The following RUNX3 variants were observed in gnomAD, a reference collection of about 807,000 sequenced individuals.
The protein encoded by RUNX3 is runt-related transcription factor 3.
A neutral mutation model predicts 27.7 loss-of-function variants in RUNX3; 10 were observed. The ratio of observed to expected loss-of-function variants is 0.36; its 90% CI spans 0.22 to 0.61. The LOEUF is 0.61. RUNX3 is among the 20% of genes least tolerant of loss of function. The pLI, the probability that RUNX3 is intolerant of heterozygous loss-of-function variation, is 0.72. For missense variants in RUNX3, 469 were observed against 629.5 expected, an observed-to-expected ratio of 0.75 and a Z score of 2.73; for synonymous variants, 270 against 269.2, an observed-to-expected ratio of 1.00 and a Z score of -0.03.
rs532152065 is a variant in RUNX3, at chr1:24,902,712, C to CAGG, written c.704-49_704-47dup. On this transcript the variant is annotated intron_variant, in intron 4 of 4. Coordinates refer to ENST00000308873, the MANE Select transcript of RUNX3 (RefSeq NM_004350.3). The surrounding 1 kb of genome is among the most constrained non-coding windows in gnomAD (Gnocchi z 9.2). ...GGTCAGTTCCAGCTCGAGACAACCC[C>CAGG]AGGAGGGCTTCCTGAAGAATGACCT... 3.1e-4 allele frequency: 449 copies of CAGG among 1,455,634 alleles called. 4 individuals are homozygous for CAGG. In the South Asian group the frequency reaches 6.1e-3, roughly 20 times the overall value. 90.2% of individuals were successfully genotyped at this position (1,455,634 alleles called of 1,614,324 possible).
chr1:24,917,259 A>C (rs1419478216), intron 3 of RUNX3, among the ~76,000 whole-genome samples: 1 of 151,996 alleles, frequency 6.6e-6, no homozygotes, highest in Non-Finnish European at 1.5e-5. Context: ...GTCCATGCTG[A>C]CCCTGCCCCT....
chr1:24,919,692 A>G (rs1640958402), intron 2 of RUNX3, among the ~76,000 whole-genome samples: 1 of 151,992 alleles, frequency 6.6e-6, no homozygotes. Context: ...TCTGAAAGTA[A>G]TTGGTGATCT....
intron 1 of RUNX3, chr1:24,929,370 G>T: frequency 1.4e-6 from 1 of 701,722 alleles, no homozygotes; most frequent in Non-Finnish European, 2.6e-6. Context: ...AGGTGGAGCG[G>T]GGCAACCCCG....
chr1:24,943,955 G>A lies in RUNX3; in HGVS notation c.59-14103C>T, dbSNP rs111512665. ...CCTTTGATGTTAGGGAAGATCACCA[G>A]TTCCCTGGTGTTGTGGGAGGTGAGA... On this transcript the variant is annotated intron_variant, in intron 2 of 6. Coordinates refer to the RUNX3 transcript ENST00000338888. This position sits in a 1 kb window ranked among gnomAD's most constrained non-coding sequence, Gnocchi z 4.6. Among the ~76,000 whole-genome samples, 15 of 152,306 alleles carry A rather than the reference G, an allele frequency of 9.8e-5. No individual in the cohort carries two copies. The highest frequency in any genetic ancestry group is 3.6e-4 in the African/African-American group (15 of 41,560).
At chr1:24,938,316 A>T (rs1641395225) in intron 2 of RUNX3, among the ~76,000 whole-genome samples, 1 of 152,160 alleles carries the variant, frequency 6.6e-6, no homozygotes, top group Admixed American at 6.5e-5. Flanking sequence ...TTCCATATTA[A>T]TCTACAACAG....
chr1:24,953,138 G>A (rs1205621424), intron 2 of RUNX3, among the ~76,000 whole-genome samples: 1 of 151,986 alleles, frequency 6.6e-6, no homozygotes, highest in African/African-American at 2.4e-5. Context: ...AGGCTGAGGC[G>A]GGCGGATCAC....
intron 2 of RUNX3, among the ~76,000 whole-genome samples, chr1:24,942,691 C>T (rs1223026376): frequency 6.6e-6 from 1 of 152,212 alleles, no homozygotes; most frequent in Admixed American, 6.5e-5. Flanking sequence ...ACTCTTACTG[C>T]CCTTTCTCTC....
At chr1:24,924,480 CTT>C (rs377699041) in intron 2 of RUNX3, among the ~76,000 whole-genome samples, 2 of 144,072 alleles carry the variant, frequency 1.4e-5, no homozygotes, top group Admixed American at 6.9e-5. Flanking sequence ...AAAGACAGTT[CTT>C]TTTTTTTTTT....
chr1:24,927,470 C>A lies in RUNX3; in HGVS notation c.439+104G>T. ...TTGCTGTTTTTAGACAGAGCTGCAT[C>A]TGGAGACCTGTTTTTCGGGATTCTA... is the stretch of plus-strand genomic sequence containing the variant. On this transcript the variant is annotated intron_variant, in intron 2 of 4. Coordinates refer to ENST00000308873, the MANE Select transcript of RUNX3 (RefSeq NM_004350.3). The surrounding 1 kb of genome is among the most constrained non-coding windows in gnomAD (Gnocchi z 5.0). 9.0e-7 allele frequency: 1 copy of A among 1,106,268 alleles called. No homozygotes were observed. Among genetic ancestry groups the A allele is most frequent in the African/African-American group, 1.5e-5 (1 of 65,196 alleles). 68.5% of individuals were successfully genotyped at this position (1,106,268 alleles called of 1,614,324 possible).
chr1:24,919,503 C>T, intron 2 of RUNX3, 159 bp from the exon 3 acceptor site: 1 of 535,376 alleles, frequency 1.9e-6, no homozygotes, highest in South Asian at 2.2e-5. Flanking sequence ...GGGTGAAGTT[C>T]AAGCTCTTGG....
At chr1:24,935,799 G>A (rs959073045) in intron 2 of RUNX3, among the ~76,000 whole-genome samples, 4 of 152,140 alleles carry the variant, frequency 2.6e-5, no homozygotes, top group Non-Finnish European at 4.4e-5. Context: ...GCCAATTGTC[G>A]CTCACCCTCA....
chr1:24,964,669 C>T lies in RUNX3; in HGVS notation c.-97-1G>A, dbSNP rs928949856. ...GTTTTATTTTTTTTTCCTCTAGCTA[C>T]TTTTGAAAATAAAAGGGGGGGGTGT... On this transcript the variant is annotated splice_acceptor_variant, in intron 1 of 6. Coordinates refer to the RUNX3 transcript ENST00000338888. LOFTEE classifies it low-confidence loss of function (5UTR_SPLICE). The T allele has an allele frequency of 1.1e-5, 17 of 1,515,640 alleles. No homozygotes were observed. In the African/African-American group the frequency reaches 1.9e-4, roughly 16 times the overall value. 93.9% of individuals were successfully genotyped at this position (1,515,640 alleles called of 1,614,324 possible).
At chr1:24,907,139 C>T (rs2124249815) in intron 4 of RUNX3, 120 bp downstream of exon 4, 2 of 1,069,814 alleles carry the variant, frequency 1.9e-6, no homozygotes, top group East Asian at 2.6e-5. Flanking sequence ...AGCTCCTCTA[C>T]AAAACAAGGG....
At chr1:24,940,283 T>C (rs1318220278) in intron 2 of RUNX3, among the ~76,000 whole-genome samples, 1 of 152,170 alleles carries the variant, frequency 6.6e-6, no homozygotes. Context: ...CAGATACTAG[T>C]GTCTCAAACG....
chr1:24,926,017 C>T (rs1641092827), intron 2 of RUNX3, among the ~76,000 whole-genome samples: 1 of 152,222 alleles, frequency 6.6e-6, no homozygotes, highest in Non-Finnish European at 1.5e-5. Flanking sequence ...TTCTCTTTCT[C>T]TCGCTTCCCA....
intron 4 of RUNX3, among the ~76,000 whole-genome samples, chr1:24,903,809 C>G (rs1008071400): frequency 9.2e-5 from 14 of 152,342 alleles, no homozygotes; most frequent in African/African-American, 3.4e-4. Flanking sequence ...GGACAGTTAT[C>G]CTGGTTTGGA....
At chr1:24,964,790 G>C in intron 1 of RUNX3, 1 of 1,213,920 alleles carries the variant, frequency 8.2e-7, no homozygotes, top group Non-Finnish European at 1.1e-6. Context: ...GTGTGTGAGT[G>C]AGAGAGAGAA....
upstream of RUNX3, among the ~76,000 whole-genome samples, chr1:24,934,595 T>C (rs1412309873): frequency 6.6e-6 from 1 of 152,162 alleles, no homozygotes; most frequent in African/African-American, 2.4e-5. Context: ...ACATGGGCAT[T>C]GCTCATGGTA....
chr1:24,930,119 G>C lies in RUNX3; in HGVS notation c.-251C>G, dbSNP rs945641227. On this transcript the variant is annotated 5_prime_UTR_variant, in exon 1 of 5. Transcript: ENST00000308873. This position sits in a 1 kb window ranked among gnomAD's most constrained non-coding sequence, Gnocchi z 4.1. ...TCCCGCATCCTCGGCGCGCGGCCCC[G>C]CGTGCGGCCGCCCCTCGTGGCTGTC... 2 of 979,224 alleles carry C rather than the reference G, an allele frequency of 2.0e-6. No homozygotes were observed. The highest frequency in any genetic ancestry group is 2.4e-6 in the Non-Finnish European group (2 of 827,614). 60.7% of individuals were successfully genotyped at this position (979,224 alleles called of 1,614,324 possible).
Sources: allele counts gnomAD v4.1 joint callset (sites outside exome capture counted in the v4.1 genomes callset), GRCh38; gene constraint gnomAD v4.1.1; non-coding constraint Gnocchi (gnomAD v3.1); transcripts MANE v1.5; gene names NCBI Gene and HGNC (gene_info 2026-07-23, HGNC 2026-07-21).